The following KIF14 variants were observed in gnomAD, a reference collection of about 807,000 sequenced individuals.
KIF14 encodes kinesin-like protein KIF14.
KIF14 carries 98 observed loss-of-function variants against 176.2 expected under a neutral mutation model. The ratio of observed to expected loss-of-function variants is 0.56; its 90% CI spans 0.47 to 0.66. The LOEUF (loss-of-function observed/expected upper bound fraction) is 0.66. Among genes scored for constraint, KIF14 ranks in the 30% least tolerant of loss-of-function variants. The probability of loss-of-function intolerance (pLI) is 0.00; values close to 1 mark genes in which losing one functional copy is unlikely to be tolerated. For missense variants in KIF14, 1,751 were observed against 1,920.4 expected, an observed-to-expected ratio of 0.91 and a Z score of 1.65; for synonymous variants, 566 against 632.2, an observed-to-expected ratio of 0.90 and a Z score of 1.57.
chr1:200,591,044 C>A, intron 16 of KIF14, among the ~76,000 whole-genome samples: 1 of 150,700 alleles, frequency 6.6e-6, no homozygotes, highest in African/African-American at 2.4e-5. Flanking sequence ...AACCAAAAAA[C>A]AAACAAAAAA....
chr1:200,617,819 G>C lies in KIF14; in HGVS notation c.905C>G (p.Ser302Ter). The C allele has an allele frequency of 6.2e-7, 1 of 1,614,158 alleles. No individual in the cohort carries two copies. Among genetic ancestry groups the C allele is most frequent in the South Asian group, 1.1e-5 (1 of 91,088 alleles). Residue 302 changes from serine (S) to a stop codon, truncating the protein, a stop_gained, in exon 2 of 30, where the codon TCA (serine) becomes TGA (stop). Transcript: ENST00000367350. LOFTEE classifies it high-confidence loss of function. Reference sequence around the variant, plus strand: ...GTTAGACATTCTATTCTTCAGTATTGATGGAGCTGGGCTCTTAAGCTGAGG... The same window carrying C: ...GTTAGACATTCTATTCTTCAGTATTCATGGAGCTGGGCTCTTAAGCTGAGG... Reference protein sequence around the residue: ...SLPQLKSPAPSILKNRMSNLQ... With the variant: ...SLPQLKSPAP
At chr1:200,604,313 C>T (rs1408127173) in intron 8 of KIF14, among the ~76,000 whole-genome samples, 1 of 152,174 alleles carries the variant, frequency 6.6e-6, no homozygotes, top group Admixed American at 6.5e-5. Flanking sequence ...AGTGATCCTC[C>T]TGCCTCGGCC....
chr1:200,558,495 A>T (rs114008197), intron 27 of KIF14, among the ~76,000 whole-genome samples: 3,578 of 152,306 alleles, frequency 0.023, 50 homozygotes, highest in Non-Finnish European at 0.035. Context: ...ATTAGGCAAA[A>T]TACTCTAATT....
At chr1:200,615,958 A>T (rs1558094779) in intron 2 of KIF14, among the ~76,000 whole-genome samples, 2 of 151,994 alleles carry the variant, frequency 1.3e-5, no homozygotes, top group Non-Finnish European at 2.9e-5. Context: ...TCTTTATTAT[A>T]CAAATTTGGG....
At position 200,565,675 on chromosome 1, in the gene KIF14, T is replaced by A. The variant is rs758707306; in HGVS notation, c.3662-6A>T. On this transcript the variant is annotated splice_polypyrimidine_tract_variant and splice_region_variant and intron_variant, in intron 23 of 29. Transcript: ENST00000367350. Reference sequence around the variant, plus strand: ...GCTTGATTTGTCCATTAAACCTACATCAACAGAAAATAGCCATTTTAAGCT... The same window carrying A: ...GCTTGATTTGTCCATTAAACCTACAACAACAGAAAATAGCCATTTTAAGCT... 50 of 1,552,700 alleles carry A rather than the reference T, an allele frequency of 3.2e-5. No homozygotes were observed. The highest frequency in any genetic ancestry group is 4.3e-5 in the Non-Finnish European group (50 of 1,152,140).
At chr1:200,605,692 T>C (rs932876322) in intron 7 of KIF14, among the ~76,000 whole-genome samples, 172 bp downstream of exon 7, 2 of 152,170 alleles carry the variant, frequency 1.3e-5, no homozygotes, top group Admixed American at 1.3e-4. Flanking sequence ...AAGGTCAACA[T>C]TTTTAATAAA....
intron 4 of KIF14, among the ~76,000 whole-genome samples, chr1:200,612,784 T>G (rs558657148): frequency 1.3e-5 from 2 of 151,624 alleles, no homozygotes; most frequent in South Asian, 4.2e-4. Context: ...TCTCTCTCCC[T>G]CATCCTCCAT....
At chr1:200,576,964 G>C (rs2102637148) in intron 21 of KIF14, among the ~76,000 whole-genome samples, 1 of 151,876 alleles carries the variant, frequency 6.6e-6, no homozygotes, top group African/African-American at 2.4e-5. Context: ...CAAGCAGCTG[G>C]GACTCCAGGC....
chr1:200,557,803 T>C (rs747907416), intron 27 of KIF14, among the ~76,000 whole-genome samples: 6 of 152,094 alleles, frequency 3.9e-5, no homozygotes, highest in Non-Finnish European at 5.9e-5. Context: ...CAGAAGCCAA[T>C]AGTCCTCCAC....
At chr1:200,589,893 T>G (rs1658965245) in intron 17 of KIF14, among the ~76,000 whole-genome samples, 1 of 152,018 alleles carries the variant, frequency 6.6e-6, no homozygotes, top group Non-Finnish European at 1.5e-5. Context: ...GCTCAAGTAA[T>G]CTGCCCGCCT....
intron 15 of KIF14, among the ~76,000 whole-genome samples, chr1:200,593,224 G>A (rs914797370): frequency 6.6e-6 from 1 of 152,200 alleles, no homozygotes; most frequent in Non-Finnish European, 1.5e-5. Flanking sequence ...CTGAAAGGCA[G>A]GATATATAGA....
At chr1:200,584,407 A>G (rs760297209) in intron 19 of KIF14, among the ~76,000 whole-genome samples, 6 of 152,134 alleles carry the variant, frequency 3.9e-5, no homozygotes, top group Non-Finnish European at 5.9e-5. Flanking sequence ...CTACAAGAAA[A>G]GAAAACTACA....
At chr1:200,566,573 A>G (rs535684211) in intron 23 of KIF14, among the ~76,000 whole-genome samples, 33 of 149,946 alleles carry the variant, frequency 2.2e-4, no homozygotes, top group South Asian at 1.5e-3. Flanking sequence ...AGCCTGGGCA[A>G]CAGAACAAGA....
At chr1:200,557,714 A>G (rs1224255006) in intron 27 of KIF14, among the ~76,000 whole-genome samples, 1 of 152,218 alleles carries the variant, frequency 6.6e-6, no homozygotes, top group African/African-American at 2.4e-5. Flanking sequence ...AAGTACATTA[A>G]TACCAAAGTT....
chr1:200,598,515 A>G (rs1659475183), intron 13 of KIF14, 94 bp from the exon 14 acceptor site: 1 of 752,948 alleles, frequency 1.3e-6, no homozygotes, highest in Non-Finnish European at 2.0e-6. Context: ...CATTAAAACA[A>G]TTCTATATGA....
At position 200,572,594 on chromosome 1, in the gene KIF14, T is replaced by C. The variant is rs542949668; in HGVS notation, c.3567-2589A>G. On this transcript the variant is annotated intron_variant, in intron 22 of 29. Transcript: ENST00000367350. ...TCCTGACCTTGTGATCCGCCCACCT[T>C]GGCCTCCCAAAGTGCTGGGATTACA... Among the ~76,000 whole-genome samples, 10 of 152,270 alleles carry C rather than the reference T, an allele frequency of 6.6e-5. No individual in the cohort carries two copies. The East Asian group carries it at 9.7e-4, about 15-fold the overall frequency.
At chr1:200,575,525 AC>A in intron 22 of KIF14, 65 bp downstream of exon 22, 1 of 377,900 alleles carries the variant, frequency 2.6e-6, no homozygotes, top group Non-Finnish European at 4.1e-6. Context: ...TACAATTTAC[AC>A]ACACACACAC....
intron 22 of KIF14, among the ~76,000 whole-genome samples, chr1:200,573,056 T>A (rs1657895163): frequency 6.6e-6 from 1 of 152,228 alleles, no homozygotes; most frequent in South Asian, 2.1e-4. Flanking sequence ...TGCCATTTAT[T>A]GAATGCCCAC....
intron 13 of KIF14, among the ~76,000 whole-genome samples, chr1:200,599,008 T>A (rs1659501591): frequency 1.3e-5 from 2 of 152,210 alleles, no homozygotes; most frequent in South Asian, 4.1e-4. Context: ...GTCTTTAGAA[T>A]AGATCAGTTT....
Sources: gnomAD v4.1 joint callset for allele counts (sites outside exome capture counted in the v4.1 genomes callset) on GRCh38, gnomAD v4.1.1 for gene constraint, MANE v1.5 for transcripts, NCBI Gene and HGNC (gene_info 2026-07-23, HGNC 2026-07-21) for gene names.